Variants in SLC16A4 observed in about 807,000 individuals in gnomAD.
The protein encoded by SLC16A4 is solute carrier family 16 member 4.
A neutral mutation model predicts 47.9 loss-of-function variants in SLC16A4; 39 were observed. The ratio of observed to expected loss-of-function variants is 0.81; its 90% CI spans 0.63 to 1.06. The LOEUF is 1.06. Ranked by LOEUF, SLC16A4 falls within the 50% of genes least tolerant of loss-of-function variation. The probability of loss-of-function intolerance (pLI) is 0.00; values close to 1 mark genes in which losing one functional copy is unlikely to be tolerated. For missense variants in SLC16A4, 524 were observed against 573.8 expected (o/e 0.91, Z 0.89); for synonymous variants, 189 against 199.9 (o/e 0.95, Z 0.46).
Position 110,381,650 on chromosome 1 carries a change from A to G in SLC16A4, c.364+2T>C, listed in dbSNP as rs1391547012. On this transcript the variant is annotated splice_donor_variant, in intron 4 of 8. Transcript: ENST00000369779. LOFTEE classifies it high-confidence loss of function. ...ATGGTCACATAATTACAATGGACTC[A>G]CCGGGTAGAAGTCCCATAGTCACAC... 1.9e-6 allele frequency: 3 copies of G among 1,609,820 alleles called. No homozygotes were observed. The African/African-American group carries it at 4.0e-5, about 22-fold the overall frequency.
intron 8 of SLC16A4, among the ~76,000 whole-genome samples, chr1:110,365,190 C>T (rs923422331): frequency 6.6e-6 from 1 of 151,950 alleles, no homozygotes; most frequent in African/African-American, 2.4e-5. Context: ...TACCCCTGAA[C>T]AAAATAGATG....
At chr1:110,376,899 T>C (rs1662035484) in intron 7 of SLC16A4, 51 bp downstream of exon 7, 5 of 1,428,254 alleles carry the variant, frequency 3.5e-6, no homozygotes, top group Non-Finnish European at 4.9e-6. Context: ...TTGTTACTGA[T>C]ACTTGCTTTT....
chr1:110,363,786 A>G lies in SLC16A4; in HGVS notation c.1444T>C (p.Trp482Arg), dbSNP rs773611908. The G allele has an allele frequency of 6.2e-7, 1 of 1,608,960 alleles. No individual in the cohort carries two copies. Among genetic ancestry groups the G allele is most frequent in the Non-Finnish European group, 8.5e-7 (1 of 1,178,292 alleles). Residue 482 changes from tryptophan to arginine, a missense_variant, in exon 9 of 9, where the codon TGG becomes CGG. By Grantham distance (101) the Trp-to-Arg change is moderately radical. Transcript: ENST00000369779. ...SFFFVPLAERWKNSLT is the reference protein window; with the variant it reads ...SFFFVPLAERRKNSLT ...TTCTTTCAGGTCAGACTGTTTTTCC[A>G]TCTTTCGGCCAATGGTACAAAAAAA...
intron 8 of SLC16A4, chr1:110,371,655 A>T (rs978406312): frequency 3.3e-5 from 5 of 152,228 alleles, no homozygotes; most frequent in African/African-American, 1.2e-4. Context: ...TCTGGGTGCC[A>T]TCTAACCGCA....
At chr1:110,382,469 A>T (rs1257164766) in intron 3 of SLC16A4, among the ~76,000 whole-genome samples, 1 of 152,116 alleles carries the variant, frequency 6.6e-6, no homozygotes, top group Non-Finnish European at 1.5e-5. Context: ...AAAAAAAAAA[A>T]ATAAATAAAA....
At chr1:110,371,875 G>A (rs1281761076) in intron 8 of SLC16A4, 1 of 152,204 alleles carries the variant, frequency 6.6e-6, no homozygotes, top group Non-Finnish European at 1.5e-5. Flanking sequence ...GTCTTACAGA[G>A]GAGGTGTGGG....
intron 4 of SLC16A4, 102 bp downstream of exon 4, chr1:110,381,550 G>A: frequency 8.6e-7 from 1 of 1,168,604 alleles, no homozygotes. Flanking sequence ...TCTCGAACTG[G>A]ACTCAAGCGA....
chr1:110,387,978 T>G (rs1396600213), intron 2 of SLC16A4, among the ~76,000 whole-genome samples: 2 of 152,214 alleles, frequency 1.3e-5, no homozygotes, highest in African/African-American at 4.8e-5. Context: ...CCCACCATCC[T>G]ATTTGTAGAA....
At chr1:110,376,033 C>T (rs942671169) in intron 7 of SLC16A4, among the ~76,000 whole-genome samples, 1 of 152,110 alleles carries the variant, frequency 6.6e-6, no homozygotes, top group African/African-American at 2.4e-5. Context: ...CGTGCCACCA[C>T]ACCTGGCTAA....
At chr1:110,381,276 G>A in intron 4 of SLC16A4, 133 bp from the exon 5 acceptor site, 2 of 713,664 alleles carry the variant, frequency 2.8e-6, no homozygotes, top group Non-Finnish European at 4.7e-6. Context: ...GAAGAGTCCT[G>A]TTCCATCTTC....
chr1:110,374,929 A>G (rs1661901182), intron 8 of SLC16A4: 1 of 152,514 alleles, frequency 6.6e-6, no homozygotes, highest in South Asian at 2.1e-4. Flanking sequence ...ATACCTTTCA[A>G]GCTCTATAAA....
At chr1:110,380,696 T>C (rs906404676) in intron 5 of SLC16A4, among the ~76,000 whole-genome samples, 16 of 152,260 alleles carry the variant, frequency 1.1e-4, no homozygotes, top group African/African-American at 3.9e-4. Flanking sequence ...GCAAGCTGTT[T>C]CCAGCTGCAC....
chr1:110,366,517 G>A (rs1276937952), intron 8 of SLC16A4, among the ~76,000 whole-genome samples: 1 of 152,082 alleles, frequency 6.6e-6, no homozygotes, highest in Non-Finnish European at 1.5e-5. Context: ...ACCTCATGAG[G>A]TTATGATATG....
At chr1:110,373,799 C>T (rs757459687) in intron 8 of SLC16A4, among the ~76,000 whole-genome samples, 10 of 151,314 alleles carry the variant, frequency 6.6e-5, no homozygotes, top group Non-Finnish European at 1.2e-4. Context: ...CTCAGCCTGC[C>T]GTGTAGCTGG....
chr1:110,373,572 T>C (rs2101009785), intron 8 of SLC16A4, among the ~76,000 whole-genome samples: 1 of 152,236 alleles, frequency 6.6e-6, no homozygotes, highest in Middle Eastern at 3.4e-3. Flanking sequence ...TGTTCATAAA[T>C]GCAAATAAGA....
At chr1:110,366,319 G>A (rs529067481) in intron 8 of SLC16A4, among the ~76,000 whole-genome samples, 5 of 151,928 alleles carry the variant, frequency 3.3e-5, no homozygotes, top group African/African-American at 7.2e-5. Flanking sequence ...CACCACACCC[G>A]GCTCATTTTT....
intron 1 of SLC16A4, 149 bp from the exon 2 acceptor site, chr1:110,389,504 G>T (rs1278299699): frequency 1.7e-6 from 1 of 594,816 alleles, no homozygotes; most frequent in East Asian, 3.0e-5. Context: ...ATTTCTGAAA[G>T]AACCAAAAAT....
chr1:110,373,710 A>T (rs370494553), intron 8 of SLC16A4, among the ~76,000 whole-genome samples: 5 of 130,296 alleles, frequency 3.8e-5, no homozygotes, highest in African/African-American at 1.5e-4. Flanking sequence ...ATGGGGTCTC[A>T]CTCTGTCACC....
intron 8 of SLC16A4, chr1:110,370,120 TA>T (rs1280632751): frequency 6.6e-6 from 1 of 152,248 alleles, no homozygotes; most frequent in Non-Finnish European, 1.5e-5. Context: ...ATTTGGAATT[TA>T]TTTTTGATGC....
Sources: allele counts gnomAD v4.1 joint callset (sites outside exome capture counted in the v4.1 genomes callset), GRCh38; gene constraint gnomAD v4.1.1; transcripts MANE v1.5; gene names NCBI Gene and HGNC (gene_info 2026-07-23, HGNC 2026-07-21).